The following SPATA18 variants were observed in gnomAD, a reference collection of about 807,000 sequenced individuals.
SPATA18 encodes the protein mitochondria-eating protein.
In SPATA18, 54 loss-of-function variants were observed where a neutral mutation model predicts 68.1. The observed-to-expected ratio is 0.79, with a 90% CI of 0.64 to 0.99. The LOEUF (loss-of-function observed/expected upper bound fraction) is 0.99. SPATA18 is among the 50% of genes least tolerant of loss of function. The pLI, the probability that SPATA18 is intolerant of heterozygous loss-of-function variation, is 0.00. For synonymous variants in SPATA18, 242 were observed against 244.8 expected, an observed-to-expected ratio of 0.99 and a Z score of 0.11; for missense variants, 724 against 681.1, an observed-to-expected ratio of 1.06 and a Z score of -0.70.
intron 4 of SPATA18, among the ~76,000 whole-genome samples, chr4:52,069,486 T>A (rs1739608688): frequency 6.6e-6 from 1 of 152,246 alleles, no homozygotes; most frequent in South Asian, 2.1e-4. Context: ...ACTTGGGGCT[T>A]TGATGTAATT....
chr4:52,065,864 G>T (rs1005063058), intron 4 of SPATA18, among the ~76,000 whole-genome samples: 3 of 152,240 alleles, frequency 2.0e-5, no homozygotes, highest in African/African-American at 7.2e-5. Flanking sequence ...AGCAAGGGAA[G>T]ATTTTTAGAT....
At chr4:52,058,117 G>A (rs953465252) in intron 1 of SPATA18, among the ~76,000 whole-genome samples, 4 of 152,180 alleles carry the variant, frequency 2.6e-5, no homozygotes, top group African/African-American at 4.8e-5. Context: ...CTGAATTAAC[G>A]AGGAAGAAAT....
intron 6 of SPATA18, among the ~76,000 whole-genome samples, chr4:52,073,816 G>T (rs56832688): frequency 6.6e-6 from 1 of 152,234 alleles, no homozygotes; most frequent in East Asian, 1.9e-4. Flanking sequence ...TGGCTTGTTT[G>T]AAAATTTCTT....
At chr4:52,051,904 T>G in intron 1 of SPATA18, 113 bp downstream of exon 1, 6 of 909,622 alleles carry the variant, frequency 6.6e-6, no homozygotes, top group South Asian at 1.4e-5. Flanking sequence ...GCCTCCGCGG[T>G]TGCGATTCCT....
intron 10 of SPATA18, chr4:52,083,210 T>A: frequency 1.0e-6 from 1 of 985,342 alleles, no homozygotes; most frequent in Non-Finnish European, 1.2e-6. Flanking sequence ...TGTTATGTAG[T>A]TTTTACCCCT....
intron 5 of SPATA18, among the ~76,000 whole-genome samples, chr4:52,071,054 A>G (rs533947517): frequency 3.7e-4 from 57 of 152,158 alleles, no homozygotes; most frequent in African/African-American, 1.3e-3. Flanking sequence ...CTAATTTCCT[A>G]TTTGTTATAC....
intron 11 of SPATA18, among the ~76,000 whole-genome samples, chr4:52,085,671 A>G (rs1741359561): frequency 6.6e-6 from 1 of 151,938 alleles, no homozygotes; most frequent in Non-Finnish European, 1.5e-5. Context: ...GAGACCAGCT[A>G]TGGCAACATG....
rs563411846 is a variant in SPATA18 at position 52,070,614 on chromosome 4, A to G, written c.518+698A>G. Reference sequence around the variant, plus strand: ...ACGAGTTAATGGGTGCAGCACACCAACATGGCACATGTATACATATGTAAC... The same window carrying G: ...ACGAGTTAATGGGTGCAGCACACCAGCATGGCACATGTATACATATGTAAC... On this transcript the variant is annotated intron_variant, in intron 5 of 12. Coordinates refer to ENST00000295213, the MANE Select transcript of SPATA18 (RefSeq NM_145263.4). 7.2e-3 allele frequency among the ~76,000 whole-genome samples: 1,101 copies of G among 152,232 alleles called. 11 individuals carry two copies. The highest frequency in any genetic ancestry group is 9.6e-3 in the Non-Finnish European group (652 of 68,006).
At chr4:52,088,269 C>A (rs567750804) in intron 11 of SPATA18, among the ~76,000 whole-genome samples, 1 of 152,232 alleles carries the variant, frequency 6.6e-6, no homozygotes, top group Non-Finnish European at 1.5e-5. Flanking sequence ...TTATTTTTTT[C>A]TCTTGCCTGA....
At chr4:52,082,982 G>T (rs902379470) in intron 10 of SPATA18, 1 of 985,260 alleles carries the variant, frequency 1.0e-6, no homozygotes, top group Non-Finnish European at 1.2e-6. Context: ...GAGACAAAGA[G>T]GGCAGAGGAG....
chr4:52,083,054 G>A (rs1741088838), intron 10 of SPATA18: 43 of 983,450 alleles, frequency 4.4e-5, no homozygotes, highest in Non-Finnish European at 5.2e-5. Flanking sequence ...GTTATAGAAT[G>A]TTTTGAACCT....
chr4:52,085,747 AT>A (rs1741367174), intron 11 of SPATA18, among the ~76,000 whole-genome samples: 1 of 151,956 alleles, frequency 6.6e-6, no homozygotes, highest in African/African-American at 2.4e-5. Flanking sequence ...ATAACAAAAA[AT>A]TCCCCCCCAA....
At position 52,096,765 on chromosome 4, in the gene SPATA18, A is replaced by C. The variant is rs1018564494; in HGVS notation, c.*1878A>C. The C allele has an allele frequency of 2.6e-5, 4 of 152,058 alleles. No homozygotes were observed. The highest frequency in any genetic ancestry group is 4.8e-5 in the African/African-American group (2 of 41,418). The allele number at this position is 152,058 out of a possible 1,614,324, so 9.4% of individuals were successfully genotyped here. ...AATTCTTGTTAATGTTTTAAACAAA[A>C]AAAAAAAAACCTTACAGTCTTGCCC... On this transcript the variant is annotated 3_prime_UTR_variant, in exon 13 of 13. Transcript: ENST00000295213.
In SPATA18 at chr4:52,054,178, T is replaced by C. The variant is rs962926006; in HGVS notation, c.87+2387T>C. Among the ~76,000 whole-genome samples the C allele has an allele frequency of 3.3e-5, 5 of 152,244 alleles. No homozygotes were observed. The South Asian group carries it at 1.0e-3, about 31-fold the overall frequency. On this transcript the variant is annotated intron_variant, in intron 1 of 12. Transcript: ENST00000295213. ...GAAGAACAGAATTTTTAATTTGACT[T>C]AAGTCCAATTTAAATTCAGATAGCC...
At chr4:52,069,748 T>C in intron 4 of SPATA18, 73 bp from the exon 5 acceptor site, 2 of 1,110,866 alleles carry the variant, frequency 1.8e-6, no homozygotes, top group Non-Finnish European at 2.5e-6. Flanking sequence ...AGTTCCTAAG[T>C]GAGCCTCTGC....
At chr4:52,070,720 C>A (rs1739754483) in intron 5 of SPATA18, among the ~76,000 whole-genome samples, 1 of 152,202 alleles carries the variant, frequency 6.6e-6, no homozygotes, top group African/African-American at 2.4e-5. Context: ...TTCACATTCT[C>A]AAATATGTAT....
At chr4:52,069,951 A>G (rs762024455) in intron 5 of SPATA18, 35 bp downstream of exon 5, 3 of 1,486,378 alleles carry the variant, frequency 2.0e-6, no homozygotes, top group Non-Finnish European at 2.7e-6. Flanking sequence ...TGCAGCCTAA[A>G]TCATTGAATT....
At chr4:52,080,061 C>T in intron 9 of SPATA18, 142 bp downstream of exon 9, 2 of 844,260 alleles carry the variant, frequency 2.4e-6, no homozygotes, top group South Asian at 3.6e-5. Flanking sequence ...CCATATACTT[C>T]TCTGTACTCC....
In SPATA18 at chr4:52,094,972, G is replaced by A. The variant is rs964805900; in HGVS notation, c.*85G>A. Reference sequence around the variant, plus strand: ...CCATCTGTCTTCTGTGTCTGCCTCAGACCTCACTTAAGATAATGTCAAAAG... The same window carrying A: ...CCATCTGTCTTCTGTGTCTGCCTCAAACCTCACTTAAGATAATGTCAAAAG... On this transcript the variant is annotated 3_prime_UTR_variant, in exon 13 of 13. Transcript: ENST00000295213. The A allele has an allele frequency of 6.6e-7, 1 of 1,525,326 alleles. No individual in the cohort carries two copies. Among genetic ancestry groups the A allele is most frequent in the African/African-American group, 1.4e-5 (1 of 73,088 alleles). 94.5% of individuals were successfully genotyped at this position (1,525,326 alleles called of 1,614,324 possible).
Sources: gnomAD v4.1 joint callset for allele counts (sites outside exome capture counted in the v4.1 genomes callset) on GRCh38, gnomAD v4.1.1 for gene constraint, MANE v1.5 for transcripts, NCBI Gene and HGNC (gene_info 2026-07-23, HGNC 2026-07-21) for gene names.